The following PRRC2B variants were observed in gnomAD, a reference collection of about 807,000 sequenced individuals.
PRRC2B encodes protein PRRC2B.
Under a neutral mutation model 242.3 loss-of-function variants are expected in PRRC2B, and 68 were observed. That is an observed-to-expected ratio of 0.28 (90% CI 0.23 to 0.34). PRRC2B has a LOEUF of 0.34. PRRC2B is among the 10% of genes least tolerant of loss of function. The pLI, the probability that PRRC2B is intolerant of heterozygous loss-of-function variation, is 1.00. For synonymous variants in PRRC2B, 1,228 were observed against 1,173.6 expected (o/e 1.05, Z -0.95); for missense variants, 2,835 against 2,954.8 (o/e 0.96, Z 0.94).
intron 3 of PRRC2B, among the ~76,000 whole-genome samples, chr9:131,436,379 AAG>A (rs1838372453): frequency 6.6e-6 from 1 of 152,224 alleles, no homozygotes; most frequent in African/African-American, 2.4e-5. Flanking sequence ...AAAAAAGAAA[AAG>A]AAAAAGTCAG....
At chr9:131,448,660 T>TTCC (rs1838910567) in intron 9 of PRRC2B, among the ~76,000 whole-genome samples, 1 of 150,988 alleles carries the variant, frequency 6.6e-6, no homozygotes, top group African/African-American at 2.4e-5. Context: ...CCTCAAACTC[T>TTCC]TCCTCCTTCC....
Position 131,485,152 on chromosome 9 carries a change from C to G in PRRC2B, c.5758+12C>G. On this transcript the variant is annotated intron_variant, in intron 25 of 31. Coordinates refer to ENST00000683519, the MANE Select transcript of PRRC2B (RefSeq NM_013318.4). ...TGCTTCTATGCCAGGTATCTCATCC[C>G]CTGAGCAAGGCCTTGGGGTCCTTCT... is the stretch of plus-strand genomic sequence containing the variant. The G allele has an allele frequency of 1.9e-6, 3 of 1,562,952 alleles. No individual in the cohort carries two copies. The highest frequency in any genetic ancestry group is 1.7e-6 in the Non-Finnish European group (2 of 1,150,022).
At chr9:131,484,323 C>T (rs1030995546) in intron 23 of PRRC2B, among the ~76,000 whole-genome samples, 17 of 152,126 alleles carry the variant, frequency 1.1e-4, no homozygotes, top group African/African-American at 3.6e-4. Flanking sequence ...ATTTATACTG[C>T]CGGGACATGG....
intron 11 of PRRC2B, among the ~76,000 whole-genome samples, chr9:131,460,404 G>A (rs1943208625): frequency 6.6e-6 from 1 of 152,086 alleles, no homozygotes; most frequent in Admixed American, 6.6e-5. Context: ...CATCTTTCTT[G>A]TGAAGAAGTC....
chr9:131,394,526 A>G (rs1836987407), intron 1 of PRRC2B, among the ~76,000 whole-genome samples: 1 of 147,502 alleles, frequency 6.8e-6, no homozygotes, highest in East Asian at 2.0e-4. Context: ...GCGCGGCCTC[A>G]GGCTCGGGCG....
chr9:131,492,288 C>T, intron 30 of PRRC2B, 28 bp downstream of exon 30: 1 of 1,568,552 alleles, frequency 6.4e-7, no homozygotes, highest in Non-Finnish European at 8.8e-7. Context: ...GGACTGCGTG[C>T]TGTGTAGCTG....
At chr9:131,414,074 A>C (rs956309244) in intron 1 of PRRC2B, among the ~76,000 whole-genome samples, 1 of 152,238 alleles carries the variant, frequency 6.6e-6, no homozygotes, top group Non-Finnish European at 1.5e-5. Context: ...GTGTTGCCAA[A>C]AAGATAGACA....
intron 1 of PRRC2B, among the ~76,000 whole-genome samples, chr9:131,420,108 T>G (rs1837762587): frequency 6.6e-6 from 1 of 152,132 alleles, no homozygotes; most frequent in Non-Finnish European, 1.5e-5. Context: ...TATTTTAAAT[T>G]TGTTGCTTCC....
chr9:131,488,091 C>T lies in PRRC2B; in HGVS notation c.6220C>T (p.Pro2074Ser). 6.2e-7 allele frequency: 1 copy of T among 1,612,430 alleles called. No homozygotes were observed. Among genetic ancestry groups the T allele is most frequent in the South Asian group, 1.1e-5 (1 of 90,940 alleles). Reference protein sequence around the residue: ...GASQMLDSQLPQLTMPLPRYG... With the variant: ...GASQMLDSQLSQLTMPLPRYG... ...CTCCCAGATGTTGGACTCCCAGCTCCCACAGGTCAGGAATTCAGTCACTCT... is the reference window on the plus strand; with the variant it reads ...CTCCCAGATGTTGGACTCCCAGCTCTCACAGGTCAGGAATTCAGTCACTCT... The change falls in exon 28 of 32, where the codon CCA (proline) becomes TCA (serine). Residue 2074 changes from proline (P) to serine (S), a missense_variant. By Grantham distance (74) the Pro-to-Ser change is moderately conservative. Coordinates refer to ENST00000683519, the MANE Select transcript of PRRC2B (RefSeq NM_013318.4).
At chr9:131,471,017 T>C (rs369009410) in intron 14 of PRRC2B, 34 bp downstream of exon 14, 48 of 1,498,274 alleles carry the variant, frequency 3.2e-5, no homozygotes, top group Non-Finnish European at 3.7e-6. Context: ...CATACCTGTA[T>C]CACCCAGGAT....
chr9:131,426,638 T>C (rs1332263291), intron 1 of PRRC2B, among the ~76,000 whole-genome samples: 2 of 152,128 alleles, frequency 1.3e-5, no homozygotes, highest in Admixed American at 1.3e-4. Context: ...TGGGACTGAC[T>C]CCCATTCTGA....
intron 1 of PRRC2B, 38 bp from the exon 2 acceptor site, chr9:131,430,056 C>A: frequency 3.3e-6 from 2 of 615,010 alleles, no homozygotes; most frequent in Non-Finnish European, 5.6e-6. Context: ...TTTTTTTTCT[C>A]TCTCTTTTTT....
intron 13 of PRRC2B, among the ~76,000 whole-genome samples, chr9:131,470,573 G>A (rs1943514276): frequency 6.6e-6 from 1 of 152,142 alleles, no homozygotes; most frequent in African/African-American, 2.4e-5. Flanking sequence ...ATAATGGCAT[G>A]GCTGTCCACC....
At chr9:131,382,475 C>A (rs1466132645) in intron 1 of PRRC2B, among the ~76,000 whole-genome samples, 2 of 152,182 alleles carry the variant, frequency 1.3e-5, no homozygotes, top group Middle Eastern at 6.8e-3. Context: ...TCCCAGGGAA[C>A]CCCTGTGTTG....
intron 11 of PRRC2B, among the ~76,000 whole-genome samples, chr9:131,463,124 G>A (rs987230287): frequency 6.6e-6 from 1 of 152,258 alleles, no homozygotes; most frequent in East Asian, 1.9e-4. Flanking sequence ...CGTTAGAAAG[G>A]TATGGATAGA....
At chr9:131,463,878 C>A (rs1018132006) in intron 11 of PRRC2B, among the ~76,000 whole-genome samples, 2 of 151,642 alleles carry the variant, frequency 1.3e-5, no homozygotes, top group African/African-American at 4.9e-5. Context: ...TGCAGTCCCC[C>A]ACGTTGGCCC....
intron 1 of PRRC2B, among the ~76,000 whole-genome samples, chr9:131,378,919 A>G (rs1836720369): frequency 6.6e-6 from 1 of 152,110 alleles, no homozygotes; most frequent in Admixed American, 6.6e-5. Flanking sequence ...AGGTTTCACC[A>G]TGTTGGCCAG....
At chr9:131,477,130 A>G (rs1943727017) in intron 16 of PRRC2B, among the ~76,000 whole-genome samples, 1 of 152,200 alleles carries the variant, frequency 6.6e-6, no homozygotes, top group Non-Finnish European at 1.5e-5. Flanking sequence ...CTCAGGGACC[A>G]GGAGAGGGTC....
chr9:131,464,957 C>T lies in PRRC2B; in HGVS notation c.1599C>T (p.Asp533=), dbSNP rs758158249. The T allele has an allele frequency of 6.2e-7, 1 of 1,613,904 alleles. No homozygotes were observed. The highest frequency in any genetic ancestry group is 2.2e-5 in the East Asian group (1 of 44,874). ...GTGCTGCCAAACTCAAGCAGCTGGA[C>T]CAGAAGTGTAAGCAGGCACGAAAGG... ...AACAAKLKQL[D]QKCKQARKAG... is the part of the protein sequence containing the mutation. The change falls in exon 12 of 32, where the codon GAC becomes GAT. Residue 533 remains aspartate (D), a synonymous_variant. Coordinates refer to ENST00000683519, the MANE Select transcript of PRRC2B (RefSeq NM_013318.4).
Sources: allele counts gnomAD v4.1 joint callset (sites outside exome capture counted in the v4.1 genomes callset), GRCh38; gene constraint gnomAD v4.1.1; transcripts MANE v1.5; gene names NCBI Gene and HGNC (gene_info 2026-07-23, HGNC 2026-07-21).